Variants in SUPT3H observed in about 807,000 individuals in gnomAD.
SUPT3H encodes the protein transcription initiation protein SPT3 homolog.
A neutral mutation model predicts 44.3 loss-of-function variants in SUPT3H; 44 were observed. The observed-to-expected ratio is 0.99, with a 90% CI of 0.78 to 1.28. The LOEUF is 1.28. SUPT3H is among the 50% of genes most tolerant of loss of function. The pLI, the probability that SUPT3H is intolerant of heterozygous loss-of-function variation, is 0.00. For missense variants in SUPT3H, 380 were observed against 387.1 expected (o/e 0.98, Z 0.15); for synonymous variants, 124 against 125.6 (o/e 0.99, Z 0.09).
In SUPT3H at chr6:45,268,750, A is replaced by C. The variant is rs139340338; in HGVS notation, c.101+96451T>G. ...TATTCAACAAAACTAAATGTTAGAT[A>C]ACTAAGAAGAATGTGTGATAGTTTC... On this transcript the variant is annotated intron_variant, in intron 2 of 10. Coordinates refer to ENST00000371459, the MANE Select transcript of SUPT3H (RefSeq NM_003599.4). 4.8e-3 allele frequency among the ~76,000 whole-genome samples: 729 copies of C among 152,338 alleles called. 4 individuals are homozygous for C. The highest frequency in any genetic ancestry group is 0.017 in the African/African-American group (696 of 41,578).
intron 2 of SUPT3H, among the ~76,000 whole-genome samples, chr6:45,302,267 T>C (rs1370012518): frequency 2.0e-5 from 3 of 151,806 alleles, no homozygotes; most frequent in Non-Finnish European, 4.4e-5. Flanking sequence ...TCCCACCCTT[T>C]TCCCCAAGTC....
At chr6:45,118,583 T>C (rs1399441774) in intron 2 of SUPT3H, among the ~76,000 whole-genome samples, 3 of 152,102 alleles carry the variant, frequency 2.0e-5, no homozygotes, top group South Asian at 4.1e-4. Flanking sequence ...GACCACACAA[T>C]AGGTTTCAGG....
chr6:45,353,183 C>T (rs980666757), intron 2 of SUPT3H, among the ~76,000 whole-genome samples: 2 of 151,926 alleles, frequency 1.3e-5, no homozygotes, highest in African/African-American at 4.8e-5. Context: ...ATGAATTGCA[C>T]AGACCAATGT....
intron 2 of SUPT3H, among the ~76,000 whole-genome samples, chr6:45,269,427 A>G (rs2153661044): frequency 6.6e-6 from 1 of 152,350 alleles, no homozygotes. Context: ...TTTAATCATC[A>G]AAATTATTAG....
chr6:45,136,544 A>T (rs1804307940), intron 2 of SUPT3H, among the ~76,000 whole-genome samples: 1 of 152,102 alleles, frequency 6.6e-6, no homozygotes, highest in African/African-American at 2.4e-5. Context: ...CAAGTTTAAA[A>T]AAACTAAAGG....
At chr6:44,962,796 T>C (rs1776217883) in intron 6 of SUPT3H, among the ~76,000 whole-genome samples, 1 of 152,118 alleles carries the variant, frequency 6.6e-6, no homozygotes, top group African/African-American at 2.4e-5. Flanking sequence ...TAATAGAGAA[T>C]ATAGATGGGG....
chr6:45,060,311 T>C (rs1362155474), intron 3 of SUPT3H, among the ~76,000 whole-genome samples: 1 of 152,072 alleles, frequency 6.6e-6, no homozygotes, highest in Non-Finnish European at 1.5e-5. Flanking sequence ...TACAACCATC[T>C]GATATTTGAC....
intron 2 of SUPT3H, among the ~76,000 whole-genome samples, chr6:45,256,886 T>A (rs890081867): frequency 4.6e-5 from 7 of 152,222 alleles, no homozygotes; most frequent in Admixed American, 2.0e-4. Context: ...ATGAATAATG[T>A]TGCTATAAAC....
intron 10 of SUPT3H, among the ~76,000 whole-genome samples, chr6:44,861,220 G>A (rs1774604508): frequency 6.6e-6 from 1 of 152,040 alleles, no homozygotes; most frequent in Admixed American, 6.6e-5. Context: ...AGGACTACAG[G>A]CAAGCACCAC....
intron 5 of SUPT3H, among the ~76,000 whole-genome samples, chr6:45,011,766 T>C (rs1358609583): frequency 1.3e-5 from 2 of 152,062 alleles, no homozygotes; most frequent in Non-Finnish European, 2.9e-5. Context: ...CTATACTTTC[T>C]CTTATATTTA....
intron 6 of SUPT3H, among the ~76,000 whole-genome samples, chr6:44,964,370 T>C (rs898832761): frequency 6.6e-6 from 1 of 152,166 alleles, no homozygotes; most frequent in South Asian, 2.1e-4. Flanking sequence ...TGGATAACTA[T>C]GGAAAAAGAA....
intron 10 of SUPT3H, among the ~76,000 whole-genome samples, chr6:44,902,707 T>C (rs1040329619): frequency 3.3e-5 from 5 of 152,088 alleles, no homozygotes; most frequent in East Asian, 3.9e-4. Context: ...AACTCCCCAC[T>C]GCAAATCAAC....
At chr6:44,809,401 A>C (rs961588184) in exon 12 of SUPT3H, 2 of 152,222 alleles carry the variant, frequency 1.3e-5, no homozygotes, top group Non-Finnish European at 2.9e-5. Flanking sequence ...GAAAATGCAG[A>C]ATTAAACGAA....
chr6:44,905,746 A>G (rs1253789364), intron 10 of SUPT3H, among the ~76,000 whole-genome samples: 1 of 152,210 alleles, frequency 6.6e-6, no homozygotes, highest in Non-Finnish European at 1.5e-5. Context: ...CACTATTCAC[A>G]ATAGCAAAGA....
intron 2 of SUPT3H, among the ~76,000 whole-genome samples, chr6:45,218,676 G>T (rs938603214): frequency 3.3e-5 from 5 of 152,234 alleles, no homozygotes; most frequent in Non-Finnish European, 5.9e-5. Flanking sequence ...GGAGGTTGCG[G>T]TGAGCTGAGA....
chr6:45,065,824 T>C (rs2153547001), intron 3 of SUPT3H, among the ~76,000 whole-genome samples: 1 of 151,020 alleles, frequency 6.6e-6, no homozygotes, highest in East Asian at 2.0e-4. Context: ...ATCGATAGTT[T>C]ACCAACCAAA....
At chr6:45,278,972 A>C (rs911007188) in intron 2 of SUPT3H, among the ~76,000 whole-genome samples, 15 of 152,226 alleles carry the variant, frequency 9.9e-5, no homozygotes, top group African/African-American at 3.6e-4. Context: ...ATTTCAAAAA[A>C]AAGACATTTG....
chr6:44,847,034 A>G (rs898960442), intron 10 of SUPT3H, among the ~76,000 whole-genome samples: 3 of 152,226 alleles, frequency 2.0e-5, no homozygotes, highest in African/African-American at 7.2e-5. Flanking sequence ...TTAAACTGGA[A>G]AACACATAAA....
chr6:44,915,618 C>T (rs1214637363), intron 10 of SUPT3H, among the ~76,000 whole-genome samples: 7 of 152,138 alleles, frequency 4.6e-5, no homozygotes, highest in Non-Finnish European at 1.0e-4. Flanking sequence ...GAAACATTTA[C>T]ACTCTATTCT....
Sources: allele counts gnomAD v4.1 joint callset (sites outside exome capture counted in the v4.1 genomes callset), GRCh38; gene constraint gnomAD v4.1.1; transcripts MANE v1.5; gene names NCBI Gene and HGNC (gene_info 2026-07-23, HGNC 2026-07-21).